Variants in BNIP5 observed in about 807,000 individuals in gnomAD.
The protein encoded by BNIP5 is protein BNIP5.
A neutral mutation model predicts 67.3 loss-of-function variants in BNIP5; 61 were observed. The observed-to-expected ratio is 0.91, with a 90% CI of 0.74 to 1.12. The LOEUF is 1.12. Among genes scored for constraint, BNIP5 ranks in the 50% most tolerant of loss-of-function variants. The pLI is 0.00. For missense variants in BNIP5, 826 were observed against 816.3 expected (o/e 1.01, Z -0.14); for synonymous variants, 317 against 319.0 (o/e 0.99, Z 0.07).
chr6:36,335,592 C>T (rs546087368), intron 1 of BNIP5, among the ~76,000 whole-genome samples: 86 of 152,332 alleles, frequency 5.6e-4, no homozygotes, highest in African/African-American at 1.9e-3. Context: ...GGGAGGCTCT[C>T]AGTGTTTGTG....
chr6:36,324,191 C>A lies in BNIP5; in HGVS notation c.1169-1G>T, dbSNP rs1196671999. On this transcript the variant is annotated splice_acceptor_variant, in intron 6 of 11. Transcript: ENST00000437635. LOFTEE classifies it high-confidence loss of function. ...GAAATGATCTTCTGAATGAATTCTT[C>A]TGAAAAAGATCAACACGCATGGTTA... The A allele has an allele frequency of 1.9e-6, 3 of 1,613,182 alleles. No homozygotes were observed. The Admixed American group carries it at 5.0e-5, about 27-fold the overall frequency.
intron 5 of BNIP5, among the ~76,000 whole-genome samples, chr6:36,325,747 A>G (rs1771748493): frequency 6.6e-6 from 1 of 152,146 alleles, no homozygotes; most frequent in Non-Finnish European, 1.5e-5. Context: ...CTGCATGAAA[A>G]TATCTCCCCA....
rs748921274 is a variant in BNIP5, at chr6:36,330,320, C to T, written c.371G>A (p.Arg124Lys). 6 of 1,614,226 alleles carry T rather than the reference C, an allele frequency of 3.7e-6. No individual in the cohort carries two copies. The highest frequency in any genetic ancestry group is 2.2e-5 in the East Asian group (1 of 44,890). The change falls in exon 2 of 12, where the codon AGG becomes AAG. Residue 124 changes from arginine to lysine, a missense_variant. Arg to Lys is a conservative substitution (Grantham distance 26, BLOSUM62 2). Transcript: ENST00000437635. ...EPREKASRRP[R>K]GKEGISQHPE... Reference sequence around the variant, plus strand: ...ATGCTGGGAGATACCCTCCTTCCCCCTTGGCCTCCTGCTGGCCTTTTCTCT... The same window carrying T: ...ATGCTGGGAGATACCCTCCTTCCCCTTTGGCCTCCTGCTGGCCTTTTCTCT...
At chr6:36,332,248 T>TC (rs1771924195) in intron 1 of BNIP5, among the ~76,000 whole-genome samples, 1 of 152,060 alleles carries the variant, frequency 6.6e-6, no homozygotes, top group African/African-American at 2.4e-5. Flanking sequence ...AGAACATTCT[T>TC]CCCTCATGGA....
intron 1 of BNIP5, among the ~76,000 whole-genome samples, chr6:36,334,789 G>A (rs1201388790): frequency 6.6e-6 from 1 of 152,180 alleles, no homozygotes; most frequent in East Asian, 1.9e-4. Context: ...ATTTATCAAA[G>A]CAAGACTTTC....
intron 1 of BNIP5, among the ~76,000 whole-genome samples, chr6:36,335,210 A>G (rs1450463226): frequency 6.6e-6 from 1 of 152,152 alleles, no homozygotes; most frequent in Non-Finnish European, 1.5e-5. Context: ...CCTCATCTCT[A>G]TGCTGTTCTC....
chr6:36,321,858 C>G (rs1771644000), intron 9 of BNIP5, among the ~76,000 whole-genome samples: 1 of 152,196 alleles, frequency 6.6e-6, no homozygotes, highest in Non-Finnish European at 1.5e-5. Context: ...CAGGCACACA[C>G]CACCATGCCA....
rs144955182 is a variant in BNIP5, at chr6:36,325,305, C to A, written c.1146G>T (p.Pro382=). ...GACTGTATTCCGAGGCTCTGTCCAGCGGAAGCTCCTCTCCAGGTTCCTGGC... is the reference window on the plus strand; with the variant it reads ...GACTGTATTCCGAGGCTCTGTCCAGAGGAAGCTCCTCTCCAGGTTCCTGGC... ...SESQEPGEEL[P]LDRASEYKEF... is the part of the protein sequence containing the mutation. The change falls in exon 6 of 12, where the codon CCG becomes CCT. Residue 382 remains proline, a synonymous_variant. Coordinates refer to ENST00000437635, the MANE Select transcript of BNIP5 (RefSeq NM_001010903.5). 1.1e-5 allele frequency: 17 copies of A among 1,614,024 alleles called. No individual in the cohort carries two copies. The highest frequency in any genetic ancestry group is 1.6e-4 in the Middle Eastern group (1 of 6,068).
At position 36,331,210 on chromosome 6, in the gene BNIP5, C is replaced by T. The variant is rs115115123; in HGVS notation, c.-4-516G>A. Among the ~76,000 whole-genome samples, 873 of 152,258 alleles carry T rather than the reference C, an allele frequency of 5.7e-3. 9 individuals carry two copies. Among genetic ancestry groups the T allele is most frequent in the African/African-American group, 0.02 (811 of 41,538 alleles). The stretch of plus-strand genomic sequence containing the variant: ...CTTGTGCAAATTCCCCCAAAACCCT[C>T]GGGGAATGGGGGTCATTATTCTCAT... On this transcript the variant is annotated intron_variant, in intron 1 of 11. Transcript: ENST00000437635.
chr6:36,321,160 G>A lies in BNIP5; in HGVS notation c.1663C>T (p.Gln555Ter), dbSNP rs747617375. The change falls in exon 10 of 12, where the codon CAG (glutamine) becomes TAG (stop). Residue 555 changes from glutamine (Q) to a stop codon, truncating the protein, a stop_gained. Transcript: ENST00000437635. LOFTEE classifies it high-confidence loss of function. ...GAGGGCTGAGTGGTACTCACCTGCTGCCCCAGTTGGCCATCCACTTCTTGG... is the reference window on the plus strand; with the variant it reads ...GAGGGCTGAGTGGTACTCACCTGCTACCCCAGTTGGCCATCCACTTCTTGG... ...LLQEVDGQLG[Q>*]QIRRHPSFKR... 12 of 1,586,806 alleles carry A rather than the reference G, an allele frequency of 7.6e-6. No individual in the cohort carries two copies. In the East Asian group the frequency reaches 2.7e-4, roughly 36 times the overall value.
chr6:36,330,488 G>C lies in BNIP5; in HGVS notation c.203C>G (p.Ala68Gly). 4.3e-6 allele frequency: 7 copies of C among 1,614,140 alleles called. No individual in the cohort carries two copies. Among genetic ancestry groups the C allele is most frequent in the Non-Finnish European group, 5.1e-6 (6 of 1,179,994 alleles). Residue 68 changes from alanine to glycine, a missense_variant, in exon 2 of 12, where the codon GCT (alanine) becomes GGT (glycine). Physicochemically the swap from Ala to Gly is moderately conservative, Grantham distance 60. Transcript: ENST00000437635. ...GGGGGCTGCAGCGGTGGTGCAGTGA[G>C]CCTCTGCAGATGGAGCTGGGCTGTC... ...HSDSPAPSAE[A>G]HCTTAAAPTP... is the part of the protein sequence containing the mutation.
chr6:36,317,371 A>C lies in BNIP5; in HGVS notation c.1944T>G (p.Val648=), dbSNP rs1337640681. The C allele has an allele frequency of 6.2e-7, 1 of 1,613,614 alleles. No homozygotes were observed. Among genetic ancestry groups the C allele is most frequent in the Non-Finnish European group, 8.5e-7 (1 of 1,179,532 alleles). The part of the protein sequence containing the change: ...EDQPNITSPK[V]ESPD ...GACACAGCTTTCAATCTGGACTTTC[A>C]ACCTTAGGACTTGTGATGTTCTGGG... is the stretch of plus-strand genomic sequence containing the variant. Residue 648 remains valine (V), a synonymous_variant, in exon 12 of 12, where the codon GTT becomes GTG. Transcript: ENST00000437635.
intron 2 of BNIP5, among the ~76,000 whole-genome samples, 164 bp from the exon 3 acceptor site, chr6:36,328,878 C>G (rs1471807843): frequency 1.3e-5 from 2 of 152,174 alleles, no homozygotes; most frequent in Admixed American, 1.3e-4. Flanking sequence ...CAGAAACCCA[C>G]TAAGATTTTT....
intron 8 of BNIP5, among the ~76,000 whole-genome samples, 161 bp from the exon 9 acceptor site, chr6:36,322,603 C>T (rs2127364237): frequency 6.6e-6 from 1 of 152,282 alleles, no homozygotes; most frequent in South Asian, 2.1e-4. Context: ...TGGTGCACTC[C>T]TGGCCTTCTC....
At chr6:36,323,617 G>GGCAACGCCT in intron 7 of BNIP5, 84 bp from the exon 8 acceptor site, 1 of 1,507,314 alleles carries the variant, frequency 6.6e-7, no homozygotes, top group Non-Finnish European at 9.1e-7. Context: ...AGCCACGGTG[G>GGCAACGCCT]GCTAGCAGGC....
In BNIP5 at chr6:36,330,571, G is replaced by A. The variant is rs184659089; in HGVS notation, c.120C>T (p.Pro40=). 4 of 1,613,614 alleles carry A rather than the reference G, an allele frequency of 2.5e-6. No individual in the cohort carries two copies. Among genetic ancestry groups the A allele is most frequent in the Admixed American group, 3.3e-5 (2 of 60,034 alleles). Residue 40 remains proline (P), a synonymous_variant, in exon 2 of 12, where the codon CCC becomes CCT. Coordinates refer to ENST00000437635, the MANE Select transcript of BNIP5 (RefSeq NM_001010903.5). The part of the protein sequence containing the change: ...ESWDCHWLSL[P]TAPSRKALHW... ...GAAGCGCCTTCCTGGAGGGGGCAGT[G>A]GGCAGGGAGAGCCAATGGCAGTCCC...
In BNIP5 at chr6:36,317,509, G is replaced by C. The variant is rs1049725987; in HGVS notation, c.1924-118C>G. 4.6e-6 allele frequency: 4 copies of C among 869,470 alleles called. No homozygotes were observed. The African/African-American group carries it at 6.7e-5, about 14-fold the overall frequency. 53.9% of individuals were successfully genotyped at this position (869,470 alleles called of 1,614,324 possible). A position where few individuals can be genotyped will look rare whatever the true frequency, so the allele number is the denominator to read the frequency against. On this transcript the variant is annotated intron_variant, in intron 11 of 11. Coordinates refer to ENST00000437635, the MANE Select transcript of BNIP5 (RefSeq NM_001010903.5). ...ACCCCACCCCAGCCTCCATCTCTGG[G>C]TCTTTGTTCTTGCAACACCTCCTGC... is the stretch of plus-strand genomic sequence containing the variant.
At chr6:36,334,001 T>G (rs1373106626) in intron 1 of BNIP5, among the ~76,000 whole-genome samples, 5 of 152,206 alleles carry the variant, frequency 3.3e-5, no homozygotes, top group Non-Finnish European at 7.3e-5. Flanking sequence ...GGACCGGCGC[T>G]TCCTTACCCA....
intron 5 of BNIP5, 47 bp downstream of exon 5, chr6:36,326,463 C>A (rs578210145): frequency 6.2e-7 from 1 of 1,609,812 alleles, no homozygotes; most frequent in South Asian, 1.1e-5. Flanking sequence ...GGTTCCAGAG[C>A]TGGAGGCAGC....
Sources: allele counts gnomAD v4.1 joint callset (sites outside exome capture counted in the v4.1 genomes callset), GRCh38; gene constraint gnomAD v4.1.1; transcripts MANE v1.5; gene names NCBI Gene and HGNC (gene_info 2026-07-23, HGNC 2026-07-21).